Variants in C7 observed in about 807,000 individuals in gnomAD.
C7 encodes complement C7, also known as complement component C7.
Under a neutral mutation model 104.8 loss-of-function variants are expected in C7, and 83 were observed. The ratio of observed to expected loss-of-function variants is 0.79; its 90% CI spans 0.66 to 0.95. C7 has a LOEUF of 0.95. C7 is among the 40% of genes least tolerant of loss of function. The pLI is 0.00. For synonymous variants in C7, 415 were observed against 360.6 expected (o/e 1.15, Z -1.71); for missense variants, 1,070 against 1,011.2 (o/e 1.06, Z -0.79).
At chr5:40,942,406 A>C (rs1473860918) in intron 6 of C7, among the ~76,000 whole-genome samples, 1 of 152,028 alleles carries the variant, frequency 6.6e-6, no homozygotes, top group Non-Finnish European at 1.5e-5. Context: ...AGAGAGAGAA[A>C]ATTTATCCTA....
chr5:40,976,576 ACT>A (rs1036829207), intron 15 of C7, 172 bp from the exon 16 acceptor site: 5 of 425,122 alleles, frequency 1.2e-5, no homozygotes, highest in African/African-American at 2.0e-5. Flanking sequence ...GACTCTAGAA[ACT>A]CTCTATAGCT....
intron 2 of C7, among the ~76,000 whole-genome samples, 180 bp downstream of exon 2, chr5:40,928,815 T>G (rs1415933679): frequency 2.0e-5 from 3 of 152,232 alleles, no homozygotes; most frequent in African/African-American, 7.2e-5. Flanking sequence ...ATTATTCTTT[T>G]ACTTAAAGAA....
intron 3 of C7, among the ~76,000 whole-genome samples, chr5:40,933,480 G>A (rs1181357280): frequency 6.6e-6 from 1 of 152,182 alleles, no homozygotes; most frequent in East Asian, 1.9e-4. Flanking sequence ...TAGTGAATGA[G>A]GATTAAATAA....
At chr5:40,942,261 G>A (rs1034660362) in intron 6 of C7, among the ~76,000 whole-genome samples, 5 of 152,302 alleles carry the variant, frequency 3.3e-5, no homozygotes, top group Middle Eastern at 3.4e-3. Context: ...TCTTATTTTA[G>A]TTGGTTGTAT....
chr5:40,937,056 C>T (rs1739832622), intron 5 of C7, among the ~76,000 whole-genome samples: 1 of 151,746 alleles, frequency 6.6e-6, no homozygotes. Flanking sequence ...CTAAAAATAA[C>T]CTATTTTAGA....
At chr5:40,957,205 A>G (rs1740305827) in intron 10 of C7, among the ~76,000 whole-genome samples, 1 of 152,238 alleles carries the variant, frequency 6.6e-6, no homozygotes, top group Admixed American at 6.5e-5. Flanking sequence ...GCTACAAAGC[A>G]GAGACATTTC....
Position 40,982,450 on chromosome 5 carries a change from C to T in C7, c.*877C>T, listed in dbSNP as rs1468744318. 2.6e-5 allele frequency: 4 copies of T among 152,352 alleles called. No homozygotes were observed. The highest frequency in any genetic ancestry group is 7.2e-5 in the African/African-American group (3 of 41,452). The allele number at this position is 152,352 out of a possible 1,614,324, so 9.4% of individuals were successfully genotyped here. A position where few individuals can be genotyped will look rare whatever the true frequency, so the allele number is the denominator to read the frequency against. ...TGAACCACCACGCCTGGCTGGAATA[C>T]TTACTCTTGTCGGGAGATTGAACCA... On this transcript the variant is annotated 3_prime_UTR_variant, in exon 18 of 18. Transcript: ENST00000313164.
At position 40,958,115 on chromosome 5, in the gene C7, A is replaced by G. The variant is rs761242939; in HGVS notation, c.1343A>G (p.Tyr448Cys). The change falls in exon 11 of 18, where the codon TAT becomes TGT. Residue 448 changes from tyrosine (Y) to cysteine (C), a missense_variant. Tyr to Cys is a radical substitution (Grantham distance 194). Coordinates refer to ENST00000313164, the MANE Select transcript of C7 (RefSeq NM_000587.4). ...KLYLKWALEE[Y>C]LDEFDPCHCR... ...TACCTGAAATGGGCTCTTGAAGAGT[A>G]TCTGGATGAATTTGACCCCTGTCAT... is the stretch of plus-strand genomic sequence containing the variant. 1.9e-6 allele frequency: 3 copies of G among 1,613,864 alleles called. No homozygotes were observed. The highest frequency in any genetic ancestry group is 2.2e-5 in the South Asian group (2 of 91,082).
chr5:40,917,219 T>G (rs1406248252), intron 1 of C7, among the ~76,000 whole-genome samples: 1 of 152,140 alleles, frequency 6.6e-6, no homozygotes, highest in Non-Finnish European at 1.5e-5. Context: ...AACTTATTCC[T>G]TCTATGTAAC....
At chr5:40,950,253 T>G (rs994254040) in intron 9 of C7, among the ~76,000 whole-genome samples, 8 of 152,160 alleles carry the variant, frequency 5.3e-5, no homozygotes, top group African/African-American at 1.9e-4. Context: ...TCTGTCTATT[T>G]CCATATATTC....
At chr5:40,965,641 TATATATA>T (rs1561255876) in intron 14 of C7, among the ~76,000 whole-genome samples, 14 of 85,020 alleles carry the variant, frequency 1.6e-4, no homozygotes, top group South Asian at 1.5e-3. Flanking sequence ...TATATATATA[TATATATA>T]TTTTTTTTTT....
intron 1 of C7, among the ~76,000 whole-genome samples, chr5:40,927,379 C>T (rs1473278407): frequency 6.6e-6 from 1 of 151,820 alleles, no homozygotes; most frequent in Admixed American, 6.6e-5. Flanking sequence ...GCAACAAATG[C>T]AAACATAGAC....
At chr5:40,945,952 G>T (rs1740039388) in intron 7 of C7, among the ~76,000 whole-genome samples, 1 of 142,012 alleles carries the variant, frequency 7.0e-6, no homozygotes, top group Admixed American at 7.2e-5. Flanking sequence ...AAAAATATTT[G>T]TTTTTATTTG....
chr5:40,952,943 T>C lies in C7; in HGVS notation c.1094-2444T>C, dbSNP rs370463293. Among the ~76,000 whole-genome samples, 7 of 152,222 alleles carry C rather than the reference T, an allele frequency of 4.6e-5. 1 individual carries two copies. Among genetic ancestry groups the C allele is most frequent in the African/African-American group, 1.7e-4 (7 of 41,536 alleles). ...AGGCAGTGATTCTCAAACTTTAATA[T>C]GCATGACGCTTACCTGGGGGATTCT... is the stretch of plus-strand genomic sequence containing the variant. On this transcript the variant is annotated intron_variant, in intron 9 of 17. Coordinates refer to ENST00000313164, the MANE Select transcript of C7 (RefSeq NM_000587.4).
At chr5:40,935,919 A>T (rs1739801882) in intron 4 of C7, among the ~76,000 whole-genome samples, 1 of 152,162 alleles carries the variant, frequency 6.6e-6, no homozygotes, top group African/African-American at 2.4e-5. Context: ...CCTTTTGATA[A>T]AATTGTCCGG....
chr5:40,938,811 AAACAGTTATGGCTTTAGG>A (rs1739869474), intron 6 of C7, among the ~76,000 whole-genome samples: 1 of 152,152 alleles, frequency 6.6e-6, no homozygotes, highest in Admixed American at 6.5e-5. Context: ...TACTCATGCA[AAACAGTTATGGCTTTAGG>A]AAACTTTACG....
At chr5:40,955,998 TAAC>T (rs2111656928) in intron 10 of C7, among the ~76,000 whole-genome samples, 1 of 152,296 alleles carries the variant, frequency 6.6e-6, no homozygotes, top group African/African-American at 2.4e-5. Context: ...GGCAGAATTT[TAAC>T]ATGTTTTATT....
intron 1 of C7, among the ~76,000 whole-genome samples, chr5:40,917,524 C>G (rs1739343025): frequency 6.6e-6 from 1 of 152,014 alleles, no homozygotes; most frequent in Admixed American, 6.6e-5. Flanking sequence ...ATCCCCTTAT[C>G]CTTTGATGGA....
chr5:40,961,549 T>A (rs10053758), intron 12 of C7, among the ~76,000 whole-genome samples: 8,781 of 152,112 alleles, frequency 0.058, 809 homozygotes, highest in African/African-American at 0.2. Flanking sequence ...TGTGCCCAGC[T>A]AATTTTTGTA....
Sources: gnomAD v4.1 joint callset for allele counts (sites outside exome capture counted in the v4.1 genomes callset) on GRCh38, gnomAD v4.1.1 for gene constraint, MANE v1.5 for transcripts, NCBI Gene and HGNC (gene_info 2026-07-23, HGNC 2026-07-21) for gene names.